Variants in CCM2 observed in about 807,000 individuals in gnomAD.
CCM2 encodes the protein cerebral cavernous malformations 2 protein.
In CCM2, 25 loss-of-function variants were observed where a neutral mutation model predicts 44.9. That is an observed-to-expected ratio of 0.56 (90% CI 0.41 to 0.78). CCM2 has a LOEUF of 0.78. CCM2 is among the 30% of genes least tolerant of loss of function. The probability of loss-of-function intolerance (pLI) is 0.00; values close to 1 mark genes in which losing one functional copy is unlikely to be tolerated. For synonymous variants in CCM2, 219 were observed against 241.1 expected (o/e 0.91, Z 0.85); for missense variants, 481 against 580.6 (o/e 0.83, Z 1.76).
At chr7:45,030,693 G>T (rs1303467177) in intron 1 of CCM2, among the ~76,000 whole-genome samples, 2 of 152,238 alleles carry the variant, frequency 1.3e-5, no homozygotes, top group South Asian at 4.2e-4. Flanking sequence ...GGAATTACAG[G>T]TGTGAGCCAC....
chr7:44,999,863 T>C (rs768564572), upstream of CCM2: 5 of 400,698 alleles, frequency 1.2e-5, no homozygotes, highest in South Asian at 8.4e-5. Context: ...GACAGGTGCG[T>C]TCTCGCGGCC....
intron 1 of CCM2, among the ~76,000 whole-genome samples, chr7:45,034,291 A>G (rs10951791): frequency 0.14 from 20,859 of 151,576 alleles, 1,789 homozygotes; most frequent in Admixed American, 0.2. Flanking sequence ...AGCTCACTGC[A>G]ACCTCTGCCT....
rs1233339856 is a variant in CCM2, at chr7:45,075,932, A to G, written c.1210A>G (p.Arg404Gly). The G allele has an allele frequency of 6.2e-7, 1 of 1,613,218 alleles. No homozygotes were observed. The highest frequency in any genetic ancestry group is 1.7e-5 in the Admixed American group (1 of 60,018). ...ATCCAGTTCCACCACCAATGGGAAC[A>G]GGGCCACGGGCAGCTCTGATGACCG... Reference protein sequence around the residue: ...TTSSSTTNGNRATGSSDDRSA... With the variant: ...TTSSSTTNGNGATGSSDDRSA... The change falls in exon 10 of 10, where the codon AGG becomes GGG. Residue 404 changes from arginine (R) to glycine (G), a missense_variant. Physicochemically the swap from Arg to Gly is moderately radical, Grantham distance 125. Coordinates refer to ENST00000258781, the MANE Select transcript of CCM2 (RefSeq NM_031443.4).
At chr7:45,051,365 C>G (rs1797994771) in intron 2 of CCM2, among the ~76,000 whole-genome samples, 1 of 151,936 alleles carries the variant, frequency 6.6e-6, no homozygotes. Flanking sequence ...ATCAAGATGA[C>G]AGCTCCAGGA....
At chr7:45,051,003 G>A (rs772993784) in intron 2 of CCM2, among the ~76,000 whole-genome samples, 3 of 151,900 alleles carry the variant, frequency 2.0e-5, no homozygotes, top group African/African-American at 4.8e-5. Flanking sequence ...GCCACAGCTC[G>A]GTGAAGACAG....
chr7:45,006,377 T>C (rs1795848955), intron 1 of CCM2, among the ~76,000 whole-genome samples: 1 of 151,436 alleles, frequency 6.6e-6, no homozygotes. Flanking sequence ...GTCTTGTTGC[T>C]CTGTCACCCA....
At chr7:45,055,572 C>T (rs1399774206) in intron 2 of CCM2, among the ~76,000 whole-genome samples, 1 of 152,046 alleles carries the variant, frequency 6.6e-6, no homozygotes, top group Admixed American at 6.6e-5. Flanking sequence ...GCCCGTAATC[C>T]GAGCTATTTG....
chr7:44,999,987 T>C, upstream of CCM2: 1 of 253,876 alleles, frequency 3.9e-6, no homozygotes. Flanking sequence ...GGCAGGATCT[T>C]CAGCCTGTGG....
intron 2 of CCM2, among the ~76,000 whole-genome samples, chr7:45,062,451 C>G (rs1461999129): frequency 6.6e-6 from 1 of 152,182 alleles, no homozygotes; most frequent in Non-Finnish European, 1.5e-5. Context: ...AAGCCAAGTG[C>G]CTCATGGCCA....
chr7:45,073,454 T>C lies in CCM2; in HGVS notation c.804-6T>C. On this transcript the variant is annotated splice_region_variant and splice_polypyrimidine_tract_variant and intron_variant, in intron 7 of 9. Coordinates refer to ENST00000258781, the MANE Select transcript of CCM2 (RefSeq NM_031443.4). ...CCACCCGCTCACATACCACATTCTT[T>C]CGCAGCTGCTTCCCTGAATCTGTGG... 1.9e-6 allele frequency: 3 copies of C among 1,611,022 alleles called. No individual in the cohort carries two copies. The highest frequency in any genetic ancestry group is 2.5e-6 in the Non-Finnish European group (3 of 1,177,674).
At chr7:45,012,450 A>G (rs1157786765) in intron 1 of CCM2, among the ~76,000 whole-genome samples, 1 of 152,042 alleles carries the variant, frequency 6.6e-6, no homozygotes, top group East Asian at 1.9e-4. Flanking sequence ...GTCTTGTTGA[A>G]ATGAATCTTT....
intron 1 of CCM2, among the ~76,000 whole-genome samples, chr7:45,015,943 A>G (rs1296132814): frequency 6.6e-6 from 1 of 152,232 alleles, no homozygotes; most frequent in Non-Finnish European, 1.5e-5. Flanking sequence ...AGACCGAAGA[A>G]AAGAAAGAAA....
intron 1 of CCM2, among the ~76,000 whole-genome samples, chr7:45,021,971 A>G (rs1376185724): frequency 2.0e-5 from 3 of 152,016 alleles, no homozygotes; most frequent in Non-Finnish European, 4.4e-5. Context: ...AACTTAAGGA[A>G]AAATTTTGCT....
At chr7:45,009,818 G>T (rs1795997474) in intron 1 of CCM2, among the ~76,000 whole-genome samples, 1 of 151,880 alleles carries the variant, frequency 6.6e-6, no homozygotes, top group South Asian at 2.1e-4. Flanking sequence ...GTTTCACTTT[G>T]ATCTAAATAC....
At chr7:45,038,148 TG>T (rs1797314786) in intron 1 of CCM2, 104 bp from the exon 2 acceptor site, 1 of 1,334,090 alleles carries the variant, frequency 7.5e-7, no homozygotes, top group Non-Finnish European at 1.1e-6. Flanking sequence ...CCCTGTTGCA[TG>T]GGGGCCATGG....
At chr7:45,074,993 G>T (rs1240204779) in intron 9 of CCM2, among the ~76,000 whole-genome samples, 1 of 152,244 alleles carries the variant, frequency 6.6e-6, no homozygotes, top group Non-Finnish European at 1.5e-5. Context: ...CTAGTAGCCA[G>T]TTGAAGGCTT....
intron 2 of CCM2, among the ~76,000 whole-genome samples, chr7:45,039,524 A>G (rs1245825008): frequency 6.6e-6 from 1 of 152,224 alleles, no homozygotes; most frequent in Non-Finnish European, 1.5e-5. Flanking sequence ...GCAGCTGAGT[A>G]TAAGTACACA....
At position 45,060,647 on chromosome 7, in the gene CCM2, C is replaced by T. The variant is rs944669021; in HGVS notation, c.205-3271C>T. Among the ~76,000 whole-genome samples, 11 of 152,186 alleles carry T rather than the reference C, an allele frequency of 7.2e-5. No individual in the cohort carries two copies. The East Asian group carries it at 2.1e-3, about 29-fold the overall frequency. On this transcript the variant is annotated intron_variant, in intron 2 of 9. Coordinates refer to ENST00000258781, the MANE Select transcript of CCM2 (RefSeq NM_031443.4). ...TTTCTTTCGTTCTTTTTTCCCTTTG[C>T]TTTTCATGTTTGGAAGTTTCTGTTG... is the stretch of plus-strand genomic sequence containing the variant.
At chr7:45,072,336 T>G (rs1583989829) in intron 6 of CCM2, 1 of 361,220 alleles carries the variant, frequency 2.8e-6, no homozygotes, top group Non-Finnish European at 5.4e-6. Flanking sequence ...CTCTCTGACT[T>G]ACTTCCTAAT....
Sources: allele counts gnomAD v4.1 joint callset (sites outside exome capture counted in the v4.1 genomes callset), GRCh38; gene constraint gnomAD v4.1.1; transcripts MANE v1.5; gene names NCBI Gene and HGNC (gene_info 2026-07-23, HGNC 2026-07-21).